Variants in MAGI2 observed in about 807,000 individuals in gnomAD.
The protein encoded by MAGI2 is membrane-associated guanylate kinase, WW and PDZ domain-containing protein 2.
A neutral mutation model predicts 133.3 loss-of-function variants in MAGI2; 35 were observed. That is an observed-to-expected ratio of 0.26 (90% CI 0.20 to 0.35). The LOEUF (loss-of-function observed/expected upper bound fraction) is 0.35. Among genes scored for constraint, MAGI2 ranks in the 10% least tolerant of loss-of-function variants. The probability of loss-of-function intolerance (pLI) is 1.00; values close to 1 mark genes in which losing one functional copy is unlikely to be tolerated. For missense variants in MAGI2, 1,636 were observed against 1,863.4 expected (o/e 0.88, Z 2.25); for synonymous variants, 729 against 710.6 (o/e 1.03, Z -0.41).
intron 2 of MAGI2, among the ~76,000 whole-genome samples, chr7:78,757,206 G>A (rs1824034277): frequency 6.6e-6 from 1 of 152,096 alleles, no homozygotes; most frequent in African/African-American, 2.4e-5. Context: ...ATTCCTGGAA[G>A]AGGACAGCCT....
intron 2 of MAGI2, among the ~76,000 whole-genome samples, chr7:78,820,569 G>T (rs190298106): frequency 4.6e-4 from 70 of 151,932 alleles, no homozygotes; most frequent in African/African-American, 1.4e-3. Context: ...CTCTATCAGA[G>T]CATTTTAAAA....
chr7:79,029,045 T>C (rs760187037), intron 1 of MAGI2, among the ~76,000 whole-genome samples: 5 of 152,204 alleles, frequency 3.3e-5, no homozygotes, highest in Non-Finnish European at 5.9e-5. Flanking sequence ...CCAAGTATCC[T>C]TAGAATTTTC....
chr7:78,391,359 G>A (rs1795882461), intron 6 of MAGI2, among the ~76,000 whole-genome samples: 1 of 135,826 alleles, frequency 7.4e-6, no homozygotes, highest in Non-Finnish European at 1.6e-5. Flanking sequence ...ACACTTAGAA[G>A]AGAAACATTT....
intron 16 of MAGI2, among the ~76,000 whole-genome samples, chr7:78,151,224 C>T (rs1290141783): frequency 1.3e-5 from 2 of 151,910 alleles, no homozygotes; most frequent in Non-Finnish European, 2.9e-5. Context: ...TTCATTCTGA[C>T]CTCAGTGAGT....
intron 21 of MAGI2, chr7:78,072,525 T>G (rs61257753): frequency 0.054 from 8,662 of 161,852 alleles, 270 homozygotes; most frequent in South Asian, 0.098. Context: ...TTATATCAAC[T>G]AATAATATTA....
At chr7:78,063,235 T>TTTTTC (rs143933295) in intron 21 of MAGI2, among the ~76,000 whole-genome samples, 3 of 151,186 alleles carry the variant, frequency 2.0e-5, no homozygotes, top group African/African-American at 7.3e-5. Flanking sequence ...AGAAGGTATT[T>TTTTTC]TTTTCTTTTC....
At chr7:79,248,037 G>A (rs1437898208) in intron 1 of MAGI2, among the ~76,000 whole-genome samples, 1 of 152,050 alleles carries the variant, frequency 6.6e-6, no homozygotes, top group Non-Finnish European at 1.5e-5. Context: ...AACATTGAAT[G>A]TAAATGAACT....
chr7:78,761,515 G>T (rs1824510866), intron 2 of MAGI2, among the ~76,000 whole-genome samples: 1 of 150,810 alleles, frequency 6.6e-6, no homozygotes, highest in Non-Finnish European at 1.5e-5. Flanking sequence ...CCCCAGGCTG[G>T]AGTGTTGTGG....
intron 2 of MAGI2, among the ~76,000 whole-genome samples, chr7:78,767,205 G>A (rs1486460141): frequency 6.6e-6 from 1 of 152,060 alleles, no homozygotes; most frequent in African/African-American, 2.4e-5. Context: ...TGGCCAGGCT[G>A]GTTTCGAATT....
At chr7:78,753,281 T>A (rs1823626269) in intron 2 of MAGI2, among the ~76,000 whole-genome samples, 1 of 151,534 alleles carries the variant, frequency 6.6e-6, no homozygotes, top group Admixed American at 6.6e-5. Flanking sequence ...AAAATACAAA[T>A]GAAAATATAA....
intron 6 of MAGI2, among the ~76,000 whole-genome samples, chr7:78,456,075 T>C (rs1789287994): frequency 6.6e-6 from 1 of 151,926 alleles, no homozygotes; most frequent in Non-Finnish European, 1.5e-5. Flanking sequence ...TGATGTACTT[T>C]TTTTTTTTTC....
intron 1 of MAGI2, among the ~76,000 whole-genome samples, chr7:79,278,780 T>C (rs1256772358): frequency 1.3e-5 from 2 of 152,172 alleles, no homozygotes; most frequent in African/African-American, 4.8e-5. Flanking sequence ...TGGAATTTGT[T>C]TGAATCTCAG....
chr7:78,291,699 C>A (rs1796724236), intron 9 of MAGI2, among the ~76,000 whole-genome samples: 1 of 152,268 alleles, frequency 6.6e-6, no homozygotes, highest in East Asian at 1.9e-4. Context: ...TACTGGCAAA[C>A]CGAATCCAGC....
intron 1 of MAGI2, among the ~76,000 whole-genome samples, chr7:79,268,928 A>C (rs545179819): frequency 1.3e-5 from 2 of 152,336 alleles, no homozygotes; most frequent in South Asian, 4.1e-4. Context: ...TTTCAACCAC[A>C]CATCAAATAA....
At chr7:79,451,837 A>G (rs957115601) in intron 1 of MAGI2, among the ~76,000 whole-genome samples, 17 of 152,210 alleles carry the variant, frequency 1.1e-4, no homozygotes, top group African/African-American at 4.1e-4. Context: ...TGACGCAAAT[A>G]TCCATACATA....
intron 20 of MAGI2, among the ~76,000 whole-genome samples, chr7:78,103,676 C>T (rs1420887645): frequency 6.6e-6 from 1 of 152,216 alleles, no homozygotes; most frequent in Non-Finnish European, 1.5e-5. Context: ...CAGTGCCTCA[C>T]AGTGTCTGTC....
intron 1 of MAGI2, among the ~76,000 whole-genome samples, chr7:79,107,643 G>A (rs1482208694): frequency 6.6e-6 from 1 of 152,186 alleles, no homozygotes; most frequent in African/African-American, 2.4e-5. Context: ...ATACCTGAGA[G>A]TTTATATGGA....
chr7:78,493,482 G>A (rs1027267415), intron 5 of MAGI2, among the ~76,000 whole-genome samples: 2 of 152,146 alleles, frequency 1.3e-5, no homozygotes, highest in African/African-American at 4.8e-5. Context: ...GAGCCTTTGT[G>A]GCTAAGCATT....
intron 2 of MAGI2, among the ~76,000 whole-genome samples, chr7:78,797,252 A>G (rs927538935): frequency 1.3e-5 from 2 of 152,154 alleles, no homozygotes; most frequent in African/African-American, 4.8e-5. Flanking sequence ...CCCCCACAAT[A>G]TATAAAACTA....
Sources: gnomAD v4.1 joint callset for allele counts (sites outside exome capture counted in the v4.1 genomes callset) on GRCh38, gnomAD v4.1.1 for gene constraint, MANE v1.5 for transcripts, NCBI Gene and HGNC (gene_info 2026-07-23, HGNC 2026-07-21) for gene names.